The following ABLIM1 variants were observed in gnomAD, a reference collection of about 807,000 sequenced individuals.
ABLIM1 encodes actin binding LIM protein 1.
ABLIM1 carries 40 observed loss-of-function variants against 107.0 expected under a neutral mutation model. The observed-to-expected ratio is 0.37, with a 90% CI of 0.29 to 0.49. The LOEUF is 0.49. Ranked by LOEUF, ABLIM1 falls within the 20% of genes least tolerant of loss-of-function variation. The probability of loss-of-function intolerance (pLI) is 0.97; values close to 1 mark genes in which losing one functional copy is unlikely to be tolerated. For missense variants in ABLIM1, 857 were observed against 1,008.5 expected (o/e 0.85, Z 2.04); for synonymous variants, 357 against 357.3 (o/e 1.00, Z 0.01).
chr10:114,643,073 A>C (rs925800782), intron 1 of ABLIM1, among the ~76,000 whole-genome samples: 5 of 152,242 alleles, frequency 3.3e-5, no homozygotes, highest in African/African-American at 1.2e-4. Flanking sequence ...AAACTGCTGG[A>C]AAACAACATC....
At chr10:114,745,677 C>T (rs1255470785) in intron 1 of ABLIM1, among the ~76,000 whole-genome samples, 1 of 152,226 alleles carries the variant, frequency 6.6e-6, no homozygotes, top group Non-Finnish European at 1.5e-5. Context: ...CAAGACCAGC[C>T]TGGCCAACAT....
Position 114,707,793 on chromosome 10 carries a change from C to T in ABLIM1, c.-213+60268G>A, listed in dbSNP as rs530679427. On this transcript the variant is annotated intron_variant, in intron 1 of 15. Coordinates refer to the ABLIM1 transcript ENST00000651092. The surrounding 1 kb of genome is among the most constrained non-coding windows in gnomAD (Gnocchi z 4.1). ...GCGGGTGCCTGTCATCCCAGCTACT[C>T]GGCAGGCTGAGGCAGGAGAATCACT... Among the ~76,000 whole-genome samples the T allele has an allele frequency of 4.6e-5, 7 of 152,038 alleles. No individual in the cohort carries two copies. The East Asian group carries it at 1.2e-3, about 25-fold the overall frequency.
intron 1 of ABLIM1, among the ~76,000 whole-genome samples, chr10:114,664,010 C>G (rs924606707): frequency 4.6e-5 from 7 of 152,206 alleles, no homozygotes; most frequent in African/African-American, 1.4e-4. Context: ...CTCACTCTGG[C>G]AAACCTCATG....
At chr10:114,760,751 C>T (rs1257473073) in intron 1 of ABLIM1, among the ~76,000 whole-genome samples, 2 of 152,134 alleles carry the variant, frequency 1.3e-5, no homozygotes, top group Admixed American at 6.5e-5. Context: ...ACAATTCAAC[C>T]TTCTGAAAAT....
rs180722805 is a variant in ABLIM1, at chr10:114,474,616, G to A, written c.1042-660C>T. Among the ~76,000 whole-genome samples the A allele has an allele frequency of 6.4e-3, 973 of 152,134 alleles. 10 individuals are homozygous for A. Among genetic ancestry groups the A allele is most frequent in the African/African-American group, 0.022 (910 of 41,494 alleles). On this transcript the variant is annotated intron_variant, in intron 8 of 22. Transcript: ENST00000533213. ...AGGATGGTCTTGATCTCCTGACCTC[G>A]TGATCTGCCCGCCTCCACCTCCCCA...
intron 4 of ABLIM1, among the ~76,000 whole-genome samples, chr10:114,570,623 G>A: frequency 2.5e-5 from 1 of 40,702 alleles, no homozygotes. Flanking sequence ...TTTTTTTTTT[G>A]AGATGGTCTA....
At chr10:114,530,765 C>T (rs143707868) in intron 6 of ABLIM1, among the ~76,000 whole-genome samples, 29 of 152,266 alleles carry the variant, frequency 1.9e-4, no homozygotes, top group African/African-American at 5.1e-4. Flanking sequence ...AACTTCTGAA[C>T]TTAGGTGATA....
At chr10:114,652,884 G>A (rs1279135037) in intron 1 of ABLIM1, among the ~76,000 whole-genome samples, 5 of 152,180 alleles carry the variant, frequency 3.3e-5, no homozygotes, top group African/African-American at 1.2e-4. Context: ...TTGTATTTAC[G>A]AGCTAGAGGA....
At chr10:114,577,040 A>C (rs559875182) in intron 2 of ABLIM1, among the ~76,000 whole-genome samples, 1 of 152,108 alleles carries the variant, frequency 6.6e-6, no homozygotes, top group African/African-American at 2.4e-5. Flanking sequence ...GATTGGCCTC[A>C]TTCTGATTGC....
At position 114,494,009 on chromosome 10, in the gene ABLIM1, TTCTAAG is replaced by T. The variant is rs2059357258; in HGVS notation, c.895-2137_895-2132del. 3.3e-5 allele frequency among the ~76,000 whole-genome samples: 5 copies of T among 152,326 alleles called. No homozygotes were observed. The South Asian group carries it at 1.0e-3, about 32-fold the overall frequency. On this transcript the variant is annotated intron_variant, in intron 6 of 22. Transcript: ENST00000533213. ...TTTCCCTTCCTGTCATAAAATTTTT[TTCTAAG>T]TCTAAAATAATTAAAGTACTTTAGT... is the stretch of plus-strand genomic sequence containing the variant.
At chr10:114,735,332 T>C (rs576986199) in intron 1 of ABLIM1, among the ~76,000 whole-genome samples, 1 of 152,230 alleles carries the variant, frequency 6.6e-6, no homozygotes, top group Non-Finnish European at 1.5e-5. Flanking sequence ...AGGCCTCTAG[T>C]GAAATGTCCT....
intron 6 of ABLIM1, among the ~76,000 whole-genome samples, chr10:114,523,544 G>T (rs1177675192): frequency 6.6e-6 from 1 of 151,278 alleles, no homozygotes; most frequent in Non-Finnish European, 1.5e-5. Context: ...ATTAACCTGT[G>T]GGGTTTATAA....
At chr10:114,765,362 A>T (rs1004798915) in intron 1 of ABLIM1, among the ~76,000 whole-genome samples, 2 of 124,074 alleles carry the variant, frequency 1.6e-5, no homozygotes, top group South Asian at 2.7e-4. Flanking sequence ...TTCAACTATA[A>T]AAAAAAAAAA....
At chr10:114,455,575 T>C (rs1034805206) in intron 12 of ABLIM1, among the ~76,000 whole-genome samples, 2 of 152,178 alleles carry the variant, frequency 1.3e-5, no homozygotes, top group Admixed American at 1.3e-4. Flanking sequence ...AATTAAAACT[T>C]GGTCTCATTT....
chr10:114,641,746 G>A (rs1162780030), intron 1 of ABLIM1, among the ~76,000 whole-genome samples: 1 of 152,180 alleles, frequency 6.6e-6, no homozygotes, highest in East Asian at 1.9e-4. Flanking sequence ...TGAGACGGGA[G>A]CCCACCTGGT....
chr10:114,439,180 G>C lies in ABLIM1; in HGVS notation c.2138C>G (p.Pro713Arg). 1 of 1,614,220 alleles carries C rather than the reference G, an allele frequency of 6.2e-7. No individual in the cohort carries two copies. The highest frequency in any genetic ancestry group is 8.5e-7 in the Non-Finnish European group (1 of 1,180,014). The change falls in exon 21 of 23, where the codon CCA (proline) becomes CGA (arginine). Residue 713 changes from proline (P) to arginine (R), a missense_variant. Physicochemically the swap from Pro to Arg is moderately radical, Grantham distance 103 (BLOSUM62 -2). Coordinates refer to ENST00000533213, the MANE Select transcript of ABLIM1 (RefSeq NM_002313.7). Reference protein sequence around the residue: ...RGVSMPNMLEPKIFPYEMLMV... With the variant: ...RGVSMPNMLERKIFPYEMLMV... Reference sequence around the variant, plus strand: ...AAAAAGAACAGCTGCACTTGCCTTTGGTTCCAACATGTTGGGCATAGACAC... The same window carrying C: ...AAAAAGAACAGCTGCACTTGCCTTTCGTTCCAACATGTTGGGCATAGACAC...
chr10:114,643,787 G>C (rs1046108015), intron 1 of ABLIM1, among the ~76,000 whole-genome samples: 3 of 151,780 alleles, frequency 2.0e-5, no homozygotes, highest in Admixed American at 2.0e-4. Context: ...CATTGCCCAG[G>C]CTAGGTTTAA....
At position 114,468,422 on chromosome 10, in the gene ABLIM1, C is replaced by T. The variant is rs1969726; in HGVS notation, c.1276-206G>A. Among the ~76,000 whole-genome samples the T allele has an allele frequency of 1.7e-4, 26 of 151,966 alleles. No individual in the cohort carries two copies. The East Asian group carries it at 2.2e-3, about 13-fold the overall frequency. On this transcript the variant is annotated intron_variant, in intron 10 of 22. Transcript: ENST00000533213. Reference sequence around the variant, plus strand: ...CCCAAGTAGCTGGGACTACAGGCGCCGCCACCACCCCCAGCTACTTTTTTT... The same window carrying T: ...CCCAAGTAGCTGGGACTACAGGCGCTGCCACCACCCCCAGCTACTTTTTTT...
chr10:114,640,254 C>T (rs747410172), intron 1 of ABLIM1, among the ~76,000 whole-genome samples: 5 of 152,186 alleles, frequency 3.3e-5, no homozygotes, highest in African/African-American at 9.7e-5. Context: ...GGGCTGGGCA[C>T]GGTGGCTCAC....
Sources: allele counts gnomAD v4.1 joint callset (sites outside exome capture counted in the v4.1 genomes callset), GRCh38; gene constraint gnomAD v4.1.1; non-coding constraint Gnocchi (gnomAD v3.1); transcripts MANE v1.5; gene names NCBI Gene and HGNC (gene_info 2026-07-23, HGNC 2026-07-21).